SUMF1: variants seen among roughly 807,000 people sequenced by gnomAD.
SUMF1 encodes sulfatase modifying factor 1.
SUMF1 carries 48 observed loss-of-function variants against 47.6 expected under a neutral mutation model. The ratio of observed to expected loss-of-function variants is 1.01; its 90% CI spans 0.80 to 1.28. The LOEUF (loss-of-function observed/expected upper bound fraction) is 1.28, where lower values mean the gene tolerates loss of function less well. SUMF1 is among the 50% of genes most tolerant of loss of function. The pLI is 0.00. For synonymous variants in SUMF1, 230 were observed against 192.1 expected, an observed-to-expected ratio of 1.20 and a Z score of -1.63; for missense variants, 571 against 485.4, an observed-to-expected ratio of 1.18 and a Z score of -1.66.
intron 8 of SUMF1, among the ~76,000 whole-genome samples, chr3:4,137,245 G>A (rs1693954897): frequency 6.6e-6 from 1 of 151,998 alleles, no homozygotes; most frequent in Non-Finnish European, 1.5e-5. Flanking sequence ...ATGATAGACT[G>A]GATTAAGAAA....
chr3:4,094,832 G>T (rs933143236), intron 8 of SUMF1, among the ~76,000 whole-genome samples: 2 of 152,034 alleles, frequency 1.3e-5, no homozygotes, highest in Non-Finnish European at 2.9e-5. Flanking sequence ...ATATCACAAA[G>T]AGAAAAGAGA....
intron 8 of SUMF1, among the ~76,000 whole-genome samples, chr3:4,197,449 T>C (rs1008545456): frequency 2.0e-5 from 3 of 151,976 alleles, no homozygotes; most frequent in African/African-American, 4.8e-5. Context: ...CTCTAAAAGA[T>C]AGGTAAGGTT....
intron 9 of SUMF1, among the ~76,000 whole-genome samples, chr3:4,044,772 C>G (rs1459025997): frequency 5.3e-5 from 8 of 152,174 alleles, no homozygotes; most frequent in Non-Finnish European, 1.2e-4. Flanking sequence ...ATAAGTCATT[C>G]TCACACTCTT....
At chr3:4,324,747 GA>G (rs1235377084) in intron 8 of SUMF1, among the ~76,000 whole-genome samples, 1 of 152,134 alleles carries the variant, frequency 6.6e-6, no homozygotes, top group African/African-American at 2.4e-5. Flanking sequence ...GGGCTCAAAA[GA>G]AATACAGTAT....
chr3:4,274,649 C>T (rs1697376131), intron 8 of SUMF1, among the ~76,000 whole-genome samples: 1 of 152,072 alleles, frequency 6.6e-6, no homozygotes. Flanking sequence ...TAGGTTTTCC[C>T]CTGAAAAAAC....
At chr3:4,327,302 C>T (rs543924580) in intron 8 of SUMF1, among the ~76,000 whole-genome samples, 1 of 152,280 alleles carries the variant, frequency 6.6e-6, no homozygotes, top group African/African-American at 2.4e-5. Flanking sequence ...TGGAAATTTT[C>T]TCTCTAGCCT....
chr3:4,339,692 C>T (rs1013753503), intron 8 of SUMF1, among the ~76,000 whole-genome samples: 5 of 152,174 alleles, frequency 3.3e-5, no homozygotes, highest in African/African-American at 1.2e-4. Flanking sequence ...ATCTTTCAGT[C>T]CTTCTAGGAC....
At position 4,174,248 on chromosome 3, in the gene SUMF1, C is replaced by T. The variant is rs865812016; in HGVS notation, c.1015-105503G>A. Among the ~76,000 whole-genome samples the T allele has an allele frequency of 3.3e-5, 5 of 149,932 alleles. No individual in the cohort carries two copies. The South Asian group carries it at 6.3e-4, about 19-fold the overall frequency. ...GCAGGCACCTGTAGTCCCAGCTACTCGGGAGGCTGAGGCAGAAGAATGGCA... is the reference window on the plus strand; with the variant it reads ...GCAGGCACCTGTAGTCCCAGCTACTTGGGAGGCTGAGGCAGAAGAATGGCA... On this transcript the variant is annotated intron_variant and NMD_transcript_variant, in intron 8 of 12. Transcript: ENST00000448413.
intron 8 of SUMF1, among the ~76,000 whole-genome samples, chr3:4,301,515 A>G (rs1697965120): frequency 6.6e-6 from 1 of 152,226 alleles, no homozygotes; most frequent in Non-Finnish European, 1.5e-5. Flanking sequence ...GACAGACTTA[A>G]AGCAAAGAAC....
chr3:4,122,582 C>T (rs1195359128), intron 8 of SUMF1, among the ~76,000 whole-genome samples: 1 of 152,114 alleles, frequency 6.6e-6, no homozygotes, highest in African/African-American at 2.4e-5. Flanking sequence ...ATGAAAAAAA[C>T]TCATGTCCAC....
At chr3:4,178,315 C>T (rs1321089359) in intron 8 of SUMF1, among the ~76,000 whole-genome samples, 2 of 152,160 alleles carry the variant, frequency 1.3e-5, no homozygotes, top group East Asian at 3.8e-4. Context: ...AAACCGAATC[C>T]AGCAGCATAT....
At chr3:4,333,739 G>T (rs1699092505) in intron 8 of SUMF1, among the ~76,000 whole-genome samples, 1 of 152,124 alleles carries the variant, frequency 6.6e-6, no homozygotes, top group African/African-American at 2.4e-5. Flanking sequence ...TCGCAAAGAA[G>T]AAGGAGGAAT....
rs141206719 is a variant in SUMF1, at chr3:4,347,876, G to A, written c.1014+28454C>T. ...CAACGTGCAAAAATCACAAGCATTCGTTTACACCAACAACAGGCTAACAGA... is the reference window on the plus strand; with the variant it reads ...CAACGTGCAAAAATCACAAGCATTCATTTACACCAACAACAGGCTAACAGA... On this transcript the variant is annotated intron_variant and NMD_transcript_variant, in intron 8 of 12. Coordinates refer to the SUMF1 transcript ENST00000448413. 1.3e-3 allele frequency among the ~76,000 whole-genome samples: 196 copies of A among 152,190 alleles called. 1 individual carries two copies. The highest frequency in any genetic ancestry group is 4.3e-3 in the African/African-American group (180 of 41,536).
chr3:4,155,534 T>C (rs980021321), intron 8 of SUMF1, among the ~76,000 whole-genome samples: 3 of 151,464 alleles, frequency 2.0e-5, no homozygotes, highest in African/African-American at 7.3e-5. Context: ...AAAAACCACA[T>C]TCATGGTGAG....
chr3:4,235,476 C>T (rs980610802), intron 8 of SUMF1, among the ~76,000 whole-genome samples: 1 of 152,060 alleles, frequency 6.6e-6, no homozygotes, highest in Non-Finnish European at 1.5e-5. Context: ...GAAGAAAATA[C>T]AGCATAGAAG....
intron 8 of SUMF1, among the ~76,000 whole-genome samples, chr3:4,250,628 C>T (rs910417964): frequency 3.9e-5 from 6 of 152,090 alleles, no homozygotes; most frequent in African/African-American, 1.4e-4. Flanking sequence ...AAAGAATAGG[C>T]AGACTCTCTT....
chr3:4,258,282 A>T (rs1697003190), intron 8 of SUMF1, among the ~76,000 whole-genome samples: 5 of 147,614 alleles, frequency 3.4e-5, no homozygotes, highest in African/African-American at 1.3e-4. Flanking sequence ...TAAACTAAAG[A>T]GCTTCTGCAC....
intron 8 of SUMF1, among the ~76,000 whole-genome samples, chr3:4,320,039 C>T (rs977842776): frequency 1.4e-4 from 21 of 152,230 alleles, no homozygotes; most frequent in African/African-American, 4.6e-4. Context: ...TTTTTTAGGG[C>T]AATGAAACAA....
chr3:4,149,538 G>A (rs1188609931), intron 8 of SUMF1, among the ~76,000 whole-genome samples: 2 of 152,242 alleles, frequency 1.3e-5, no homozygotes, highest in East Asian at 3.9e-4. Context: ...GACTTCTGGA[G>A]GCAACATGTT....
Sources: gnomAD v4.1 joint callset for allele counts (sites outside exome capture counted in the v4.1 genomes callset) on GRCh38, gnomAD v4.1.1 for gene constraint, MANE v1.5 for transcripts, NCBI Gene and HGNC (gene_info 2026-07-23, HGNC 2026-07-21) for gene names.